Variants in ZNF385D observed in about 807,000 individuals in gnomAD.
ZNF385D encodes the protein zinc finger protein 659.
In ZNF385D, 15 loss-of-function variants were observed where a neutral mutation model predicts 35.8. The observed-to-expected ratio is 0.42, with a 90% CI of 0.28 to 0.64. ZNF385D has a LOEUF of 0.64. ZNF385D is among the 30% of genes least tolerant of loss of function. The pLI is 0.23. For synonymous variants in ZNF385D, 212 were observed against 186.8 expected (o/e 1.13, Z -1.10); for missense variants, 474 against 494.6 (o/e 0.96, Z 0.39).
At chr3:22,227,700 T>C (rs1215069963) in intron 2 of ZNF385D, among the ~76,000 whole-genome samples, 3 of 152,148 alleles carry the variant, frequency 2.0e-5, no homozygotes, top group South Asian at 2.1e-4. Context: ...CATGATACCA[T>C]TGCCATGGCA....
chr3:21,925,078 A>G (rs1019498797), intron 3 of ZNF385D, among the ~76,000 whole-genome samples: 3 of 152,236 alleles, frequency 2.0e-5, no homozygotes, highest in Non-Finnish European at 2.9e-5. Flanking sequence ...CAATTCTGCC[A>G]AAATTGATAT....
At chr3:21,729,157 A>G (rs1057256070) in intron 1 of ZNF385D, among the ~76,000 whole-genome samples, 1 of 152,172 alleles carries the variant, frequency 6.6e-6, no homozygotes, top group African/African-American at 2.4e-5. Context: ...GGTGAGCAAG[A>G]GGTCTTCTAC....
intron 4 of ZNF385D, among the ~76,000 whole-genome samples, chr3:21,506,240 C>G (rs898835610): frequency 6.9e-6 from 1 of 145,632 alleles, no homozygotes; most frequent in Admixed American, 7.1e-5. Context: ...GCTCTAAGAG[C>G]CTTTTCCCCT....
chr3:22,155,574 T>G (rs1283608721), intron 3 of ZNF385D, among the ~76,000 whole-genome samples: 2 of 152,194 alleles, frequency 1.3e-5, no homozygotes, highest in East Asian at 3.9e-4. Context: ...TGATCATAAA[T>G]TACTATCTAC....
At chr3:21,765,947 T>A (rs912887626) in intron 3 of ZNF385D, among the ~76,000 whole-genome samples, 1 of 152,146 alleles carries the variant, frequency 6.6e-6, no homozygotes, top group Non-Finnish European at 1.5e-5. Context: ...TGGAAGGGAT[T>A]CAGTAGACTG....
intron 3 of ZNF385D, among the ~76,000 whole-genome samples, chr3:22,032,003 G>A (rs1249481400): frequency 1.3e-5 from 2 of 152,174 alleles, no homozygotes; most frequent in Non-Finnish European, 2.9e-5. Context: ...TAGGGCAGGG[G>A]CAAAATGCCA....
intron 2 of ZNF385D, among the ~76,000 whole-genome samples, chr3:22,203,578 C>T (rs2125247055): frequency 6.6e-6 from 1 of 152,194 alleles, no homozygotes; most frequent in East Asian, 1.9e-4. Flanking sequence ...GGCCTTGGCT[C>T]TTGGATGGCA....
intron 2 of ZNF385D, among the ~76,000 whole-genome samples, chr3:22,238,559 T>A (rs557159528): frequency 1.3e-5 from 2 of 151,162 alleles, no homozygotes; most frequent in South Asian, 4.3e-4. Flanking sequence ...TTTGATGTTA[T>A]CATAAATGGA....
chr3:22,241,306 G>C (rs182273920), intron 2 of ZNF385D, among the ~76,000 whole-genome samples: 16 of 151,140 alleles, frequency 1.1e-4, no homozygotes, highest in Admixed American at 9.2e-4. Context: ...CCAACCTACA[G>C]AGGACAGTGT....
intron 2 of ZNF385D, among the ~76,000 whole-genome samples, chr3:22,178,707 T>C (rs1695007262): frequency 6.6e-6 from 1 of 152,234 alleles, no homozygotes; most frequent in Admixed American, 6.5e-5. Context: ...TCTAGGGTTT[T>C]TATGGATTTA....
At chr3:21,835,509 G>C (rs1328204583) in intron 3 of ZNF385D, among the ~76,000 whole-genome samples, 1 of 135,756 alleles carries the variant, frequency 7.4e-6, no homozygotes, top group Admixed American at 7.7e-5. Flanking sequence ...GTGGATCAAA[G>C]TGATACTACT....
At chr3:22,287,245 T>C (rs943895671) in intron 2 of ZNF385D, among the ~76,000 whole-genome samples, 2 of 152,014 alleles carry the variant, frequency 1.3e-5, no homozygotes, top group Non-Finnish European at 2.9e-5. Context: ...CCATTAACTT[T>C]TAGTTTATTT....
intron 3 of ZNF385D, among the ~76,000 whole-genome samples, chr3:22,075,442 A>G (rs1002118489): frequency 6.6e-6 from 1 of 151,826 alleles, no homozygotes; most frequent in South Asian, 2.1e-4. Flanking sequence ...AATGAACTTC[A>G]TATTGCCAGA....
chr3:21,852,805 G>A (rs553761060), intron 3 of ZNF385D, among the ~76,000 whole-genome samples: 12 of 151,870 alleles, frequency 7.9e-5, no homozygotes, highest in African/African-American at 2.4e-4. Flanking sequence ...AAGGGAAGAC[G>A]GATTAGGATA....
intron 2 of ZNF385D, among the ~76,000 whole-genome samples, chr3:21,604,736 C>T (rs1215182635): frequency 2.0e-5 from 3 of 152,030 alleles, no homozygotes; most frequent in Non-Finnish European, 4.4e-5. Context: ...TCTGAGTGAA[C>T]AGTGAGTAGG....
chr3:21,684,871 G>A (rs4298061), intron 1 of ZNF385D, among the ~76,000 whole-genome samples: 1 of 152,152 alleles, frequency 6.6e-6, no homozygotes, highest in Middle Eastern at 3.4e-3. Flanking sequence ...TGTCTTCATC[G>A]TAAGTGAAAC....
Position 22,172,452 on chromosome 3 carries a change from T to G in ZNF385D, c.107-3417A>C, listed in dbSNP as rs1018347041. Among the ~76,000 whole-genome samples the G allele has an allele frequency of 2.6e-5, 4 of 152,242 alleles. No individual in the cohort carries two copies. In the East Asian group the frequency reaches 5.8e-4, roughly 22 times the overall value. ...AAGTAGAAACAATATTTTTCTGGGA[T>G]GCAATGTGGTTCTTGCAGTTGATTT... is the stretch of plus-strand genomic sequence containing the variant. On this transcript the variant is annotated intron_variant, in intron 2 of 5. Transcript: ENST00000494108.
At chr3:22,228,540 T>C (rs2125293178) in intron 2 of ZNF385D, among the ~76,000 whole-genome samples, 1 of 152,294 alleles carries the variant, frequency 6.6e-6, no homozygotes, top group African/African-American at 2.4e-5. Context: ...AAGCTTTTGG[T>C]TAAGTGGTCA....
chr3:21,918,696 G>A (rs1700312304), intron 3 of ZNF385D, among the ~76,000 whole-genome samples: 2 of 151,704 alleles, frequency 1.3e-5, no homozygotes, highest in Non-Finnish European at 2.9e-5. Flanking sequence ...ATTCTTCTTT[G>A]TCTTTATTCC....
Sources: allele counts gnomAD v4.1 joint callset (sites outside exome capture counted in the v4.1 genomes callset), GRCh38; gene constraint gnomAD v4.1.1; transcripts MANE v1.5; gene names NCBI Gene and HGNC (gene_info 2026-07-23, HGNC 2026-07-21).